The following SCML4 variants were observed in gnomAD, a reference collection of about 807,000 sequenced individuals.
SCML4 encodes sex comb on midleg-like protein 4.
In SCML4, 34 loss-of-function variants were observed where a neutral mutation model predicts 41.1. The ratio of observed to expected loss-of-function variants is 0.83; its 90% confidence interval spans 0.63 to 1.10. The LOEUF (loss-of-function observed/expected upper bound fraction) is 1.10. Among genes scored for constraint, SCML4 ranks in the 50% least tolerant of loss-of-function variants. SCML4 has a pLI of 0.00. For synonymous variants in SCML4, 214 were observed against 220.9 expected (o/e 0.97, Z 0.28); for missense variants, 522 against 534.1 (o/e 0.98, Z 0.22).
intron 1 of SCML4, among the ~76,000 whole-genome samples, chr6:107,789,725 GCAC>G (rs1782176112): frequency 6.6e-6 from 1 of 152,158 alleles, no homozygotes; most frequent in Admixed American, 6.5e-5. Context: ...TTCCCTCAGA[GCAC>G]CACACCTGTG....
intron 1 of SCML4, among the ~76,000 whole-genome samples, chr6:107,804,805 T>C (rs945494087): frequency 3.3e-5 from 5 of 152,116 alleles, no homozygotes; most frequent in African/African-American, 1.2e-4. Context: ...AGTGAGACTC[T>C]ACAAAAATTA....
At chr6:107,764,648 A>T (rs2114549982) in intron 2 of SCML4, among the ~76,000 whole-genome samples, 1 of 152,278 alleles carries the variant, frequency 6.6e-6, no homozygotes, top group Non-Finnish European at 1.5e-5. Flanking sequence ...TTCCATGGGT[A>T]CCAGGAGAGA....
intron 1 of SCML4, among the ~76,000 whole-genome samples, chr6:107,798,834 C>G (rs1013370110): frequency 6.6e-6 from 1 of 151,874 alleles, no homozygotes; most frequent in Non-Finnish European, 1.5e-5. Context: ...TCTAATTTTC[C>G]TGGTGATTTC....
chr6:107,762,362 G>A (rs758426411), intron 2 of SCML4, among the ~76,000 whole-genome samples: 4 of 152,130 alleles, frequency 2.6e-5, no homozygotes, highest in Admixed American at 6.5e-5. Flanking sequence ...ATAGATTTAA[G>A]CCCAAATTTA....
chr6:107,708,271 A>G (rs974964833), intron 6 of SCML4, among the ~76,000 whole-genome samples: 2 of 152,124 alleles, frequency 1.3e-5, no homozygotes, highest in East Asian at 3.9e-4. Flanking sequence ...GAGAGGAAGC[A>G]CTAGACAGTG....
At chr6:107,766,141 G>A (rs1363328702) in intron 2 of SCML4, among the ~76,000 whole-genome samples, 2 of 152,102 alleles carry the variant, frequency 1.3e-5, no homozygotes, top group Non-Finnish European at 1.5e-5. Context: ...AGGCCCAGGT[G>A]GGCGGATCAC....
chr6:107,838,876 T>G, the SCML4 span, among the ~76,000 whole-genome samples: 3 of 152,122 alleles, frequency 2.0e-5, no homozygotes, highest in African/African-American at 7.2e-5. Context: ...ATTGGGAGGA[T>G]GAAGGGAAGA....
intron 1 of SCML4, among the ~76,000 whole-genome samples, chr6:107,816,176 C>T (rs553662854): frequency 6.8e-4 from 104 of 152,326 alleles, no homozygotes; most frequent in African/African-American, 2.3e-3. Flanking sequence ...TGTATGTTGG[C>T]AGTAAAAGTA....
intron 6 of SCML4, chr6:107,718,635 T>C (rs945573120): frequency 6.6e-6 from 1 of 152,254 alleles, no homozygotes; most frequent in Non-Finnish European, 1.5e-5. Flanking sequence ...CCAGTTGGAC[T>C]GAACAGGGCA....
the SCML4 span, among the ~76,000 whole-genome samples, chr6:107,838,343 C>T: frequency 1.3e-5 from 2 of 152,138 alleles, no homozygotes; most frequent in Non-Finnish European, 2.9e-5. Flanking sequence ...TCCCTTTCTC[C>T]CCAGGCAGAA....
intron 2 of SCML4, 108 bp downstream of exon 2, chr6:107,772,064 G>A: frequency 1.1e-6 from 1 of 941,292 alleles, no homozygotes; most frequent in Admixed American, 3.3e-5. Flanking sequence ...TTCTCATCCT[G>A]TCTCTACCAA....
chr6:107,758,070 T>C (rs1158212396), intron 2 of SCML4, among the ~76,000 whole-genome samples: 1 of 152,232 alleles, frequency 6.6e-6, no homozygotes, highest in African/African-American at 2.4e-5. Context: ...AAATCATTCA[T>C]TCAATCAGAC....
chr6:107,702,419 G>T lies in SCML4; in HGVS notation c.*2781C>A, dbSNP rs1004272697. The stretch of plus-strand genomic sequence containing the variant: ...TTTATTTGAGAGCACCAATGTTTGT[G>T]ACTCTGTAGTGAAGGAGGCACTGAT... On this transcript the variant is annotated 3_prime_UTR_variant, in exon 8 of 8. Transcript: ENST00000369020. Among the ~76,000 whole-genome samples the T allele has an allele frequency of 6.6e-6, 1 of 152,168 alleles. No individual in the cohort carries two copies. The highest frequency in any genetic ancestry group is 1.5e-5 in the Non-Finnish European group (1 of 68,034).
At chr6:107,826,294 GAAAGAAAAGA>G (rs1785255474), upstream of SCML4, among the ~76,000 whole-genome samples, 1 of 130,504 alleles carries the variant, frequency 7.7e-6, no homozygotes, top group African/African-American at 4.0e-5. Flanking sequence ...GAAAAGAAAA[GAAAGAAAAGA>G]AAAAGAAGAA....
chr6:107,704,965 A>G lies in SCML4; in HGVS notation c.*235T>C, dbSNP rs1238610478. 1.7e-6 allele frequency: 1 copy of G among 582,808 alleles called. No homozygotes were observed. The highest frequency in any genetic ancestry group is 1.9e-5 in the African/African-American group (1 of 53,580). 36.1% of individuals were successfully genotyped at this position (582,808 alleles called of 1,614,324 possible). On this transcript the variant is annotated 3_prime_UTR_variant, in exon 8 of 8. Coordinates refer to ENST00000369020, the MANE Select transcript of SCML4 (RefSeq NM_198081.5). ...AACCAGCATAACAGGGATGTTAAAAATCACAGGCTTTTGTAATTTTTTGGC... is the reference window on the plus strand; with the variant it reads ...AACCAGCATAACAGGGATGTTAAAAGTCACAGGCTTTTGTAATTTTTTGGC...
chr6:107,839,481 C>A, the SCML4 span, among the ~76,000 whole-genome samples: 588 of 151,976 alleles, frequency 3.9e-3, 3 homozygotes, highest in African/African-American at 0.014. Context: ...AGGCAAATAT[C>A]AGAAGAACCA....
intron 2 of SCML4, among the ~76,000 whole-genome samples, chr6:107,771,631 T>C (rs1285529949): frequency 1.3e-5 from 2 of 152,194 alleles, no homozygotes; most frequent in Non-Finnish European, 2.9e-5. Flanking sequence ...TCAGCACCTT[T>C]TAGAAGTGGG....
upstream of SCML4, among the ~76,000 whole-genome samples, chr6:107,828,066 C>T (rs1379601046): frequency 2.0e-5 from 3 of 152,152 alleles, no homozygotes; most frequent in African/African-American, 7.2e-5. Flanking sequence ...TATGACAATC[C>T]TATGAAGTAG....
At chr6:107,757,456 G>C (rs1779208636) in intron 2 of SCML4, among the ~76,000 whole-genome samples, 1 of 152,186 alleles carries the variant, frequency 6.6e-6, no homozygotes, top group African/African-American at 2.4e-5. Context: ...GGAAGGATGA[G>C]GATGTATAGA....
Sources: allele counts gnomAD v4.1 joint callset (sites outside exome capture counted in the v4.1 genomes callset), GRCh38; gene constraint gnomAD v4.1.1; transcripts MANE v1.5; gene names NCBI Gene and HGNC (gene_info 2026-07-23, HGNC 2026-07-21).